ROBO2: variants seen among roughly 807,000 people sequenced by gnomAD.
ROBO2 encodes roundabout homolog 2.
In ROBO2, 53 loss-of-function variants were observed where a neutral mutation model predicts 160.8. That is an observed-to-expected ratio of 0.33 (90% CI 0.26 to 0.41). The LOEUF (loss-of-function observed/expected upper bound fraction) is 0.41, where lower values mean the gene tolerates loss of function less well. ROBO2 is among the 10% of genes least tolerant of loss of function. The pLI is 1.00. For missense variants in ROBO2, 1,577 were observed against 1,722.4 expected (o/e 0.92, Z 1.49); for synonymous variants, 664 against 611.7 (o/e 1.09, Z -1.26).
At chr3:77,097,785 T>A (rs960306469) in intron 1 of ROBO2, among the ~76,000 whole-genome samples, 1 of 152,156 alleles carries the variant, frequency 6.6e-6, no homozygotes, top group Non-Finnish European at 1.5e-5. Context: ...TCATGATTCA[T>A]GGAACACATT....
intron 2 of ROBO2, among the ~76,000 whole-genome samples, chr3:76,298,893 CTAT>C (rs10592442): frequency 0.016 from 2,367 of 152,282 alleles, 52 homozygotes; most frequent in African/African-American, 0.053. Flanking sequence ...TCTGGTTTCA[CTAT>C]TATTGTGCTG....
chr3:76,334,939 G>A (rs2073761913), intron 2 of ROBO2, among the ~76,000 whole-genome samples: 1 of 151,964 alleles, frequency 6.6e-6, no homozygotes, highest in Admixed American at 6.6e-5. Flanking sequence ...GATTTATTTT[G>A]AACATTTAAT....
chr3:76,475,761 G>A (rs896142643), intron 2 of ROBO2, among the ~76,000 whole-genome samples: 3 of 152,298 alleles, frequency 2.0e-5, no homozygotes, highest in Admixed American at 6.5e-5. Context: ...AATGTTAGAC[G>A]TGAGATTCCC....
intron 2 of ROBO2, among the ~76,000 whole-genome samples, chr3:77,199,434 C>A (rs2082609239): frequency 6.6e-6 from 1 of 152,006 alleles, no homozygotes; most frequent in Non-Finnish European, 1.5e-5. Flanking sequence ...CAGGAGGTGA[C>A]CAGGGAGCCA....
At chr3:77,336,015 T>C (rs2066461683) in intron 2 of ROBO2, among the ~76,000 whole-genome samples, 1 of 152,224 alleles carries the variant, frequency 6.6e-6, no homozygotes, top group Admixed American at 6.5e-5. Context: ...ATGAACAGCC[T>C]TTTAAAAGTA....
chr3:75,929,952 C>T (rs1298809259), intron 1 of ROBO2, among the ~76,000 whole-genome samples: 2 of 152,176 alleles, frequency 1.3e-5, no homozygotes, highest in Admixed American at 1.3e-4. Flanking sequence ...GCCTCAGCCT[C>T]CCAAAGTGCT....
intron 2 of ROBO2, among the ~76,000 whole-genome samples, chr3:77,287,493 C>T (rs917593315): frequency 6.6e-6 from 1 of 152,162 alleles, no homozygotes; most frequent in African/African-American, 2.4e-5. Context: ...TCCCCAGATA[C>T]TTCTGAATTT....
At chr3:76,126,807 A>T (rs2071006827) in intron 2 of ROBO2, among the ~76,000 whole-genome samples, 1 of 152,114 alleles carries the variant, frequency 6.6e-6, no homozygotes, top group Non-Finnish European at 1.5e-5. Flanking sequence ...CCTGTCTTGT[A>T]TTTACAGTTA....
chr3:77,508,380 A>C (rs1210239472), intron 5 of ROBO2, among the ~76,000 whole-genome samples: 2 of 148,230 alleles, frequency 1.3e-5, no homozygotes, highest in Non-Finnish European at 3.0e-5. Flanking sequence ...GTTGTAAGCT[A>C]TATAGTGAAA....
intron 2 of ROBO2, among the ~76,000 whole-genome samples, chr3:76,033,152 CA>C (rs2066985178): frequency 6.6e-6 from 1 of 151,414 alleles, no homozygotes; most frequent in Non-Finnish European, 1.5e-5. Context: ...TTTGTTTCCT[CA>C]GGGGGGAAAA....
chr3:76,585,315 A>C (rs1480733384), intron 2 of ROBO2, among the ~76,000 whole-genome samples: 1 of 152,226 alleles, frequency 6.6e-6, no homozygotes, highest in African/African-American at 2.4e-5. Flanking sequence ...TTGATTGTGG[A>C]TTTCAATGCC....
At chr3:76,734,399 T>A (rs577765978) in intron 2 of ROBO2, among the ~76,000 whole-genome samples, 1 of 152,192 alleles carries the variant, frequency 6.6e-6, no homozygotes, top group Admixed American at 6.5e-5. Context: ...CTGGGATGTG[T>A]AGTCTGCATA....
intron 2 of ROBO2, among the ~76,000 whole-genome samples, chr3:76,834,781 T>G (rs1205320362): frequency 3.9e-5 from 6 of 152,132 alleles, no homozygotes; most frequent in Non-Finnish European, 8.8e-5. Context: ...AAGGAGTAAA[T>G]AGCTATAGCA....
chr3:76,133,140 C>T (rs542782472), intron 2 of ROBO2, among the ~76,000 whole-genome samples: 9 of 152,040 alleles, frequency 5.9e-5, no homozygotes, highest in South Asian at 2.1e-4. Context: ...AACAAACAGG[C>T]ACCTCTCTAA....
chr3:77,052,584 A>G (rs1247185837), intron 1 of ROBO2, among the ~76,000 whole-genome samples: 1 of 152,216 alleles, frequency 6.6e-6, no homozygotes, highest in Non-Finnish European at 1.5e-5. Context: ...AGAAATTGCT[A>G]AAATGTCAAT....
intron 2 of ROBO2, among the ~76,000 whole-genome samples, chr3:77,273,377 C>G (rs938402998): frequency 6.6e-6 from 1 of 152,160 alleles, no homozygotes; most frequent in African/African-American, 2.4e-5. Flanking sequence ...GTCAGACAAA[C>G]TCAAGCATGG....
intron 11 of ROBO2, chr3:77,564,325 C>G: frequency 2.8e-6 from 1 of 356,542 alleles, no homozygotes; most frequent in Non-Finnish European, 5.6e-6. Context: ...TGGGTCCTCA[C>G]ACACAAATTC....
At chr3:76,492,279 G>C (rs146244723) in intron 2 of ROBO2, among the ~76,000 whole-genome samples, 198 of 152,202 alleles carry the variant, frequency 1.3e-3, no homozygotes, top group African/African-American at 4.5e-3. Context: ...TTCAATATTT[G>C]TTATTGAGAA....
intron 2 of ROBO2, among the ~76,000 whole-genome samples, chr3:76,323,325 AT>A (rs149066540): frequency 6.6e-6 from 1 of 151,804 alleles, no homozygotes; most frequent in Non-Finnish European, 1.5e-5. Context: ...CCAAATCTGG[AT>A]TTTTTTTCTC....
Sources: allele counts gnomAD v4.1 joint callset (sites outside exome capture counted in the v4.1 genomes callset), GRCh38; gene constraint gnomAD v4.1.1; transcripts MANE v1.5; gene names NCBI Gene and HGNC (gene_info 2026-07-23, HGNC 2026-07-21).